Variants in LAMP1 observed in about 807,000 individuals in gnomAD.
LAMP1 encodes the protein lysosome-associated membrane glycoprotein 1.
A neutral mutation model predicts 37.5 loss-of-function variants in LAMP1; 7 were observed. The observed-to-expected ratio is 0.19, with a 90% CI of 0.11 to 0.35. The LOEUF is 0.35. Among genes scored for constraint, LAMP1 ranks in the 10% least tolerant of loss-of-function variants. LAMP1 has a pLI of 1.00. For synonymous variants in LAMP1, 236 were observed against 229.1 expected, an observed-to-expected ratio of 1.03 and a Z score of -0.27; for missense variants, 537 against 552.8, an observed-to-expected ratio of 0.97 and a Z score of 0.29.
rs1421077028 is a variant in LAMP1 at position 113,306,486 on chromosome 13, C to T, written c.63C>T (p.Gly21=). The T allele has an allele frequency of 6.2e-7, 1 of 1,613,480 alleles. No homozygotes were observed. The highest frequency in any genetic ancestry group is 8.5e-7 in the Non-Finnish European group (1 of 1,179,786). The change falls in exon 2 of 9, where the codon GGC becomes GGT. Residue 21 remains glycine, a splice_region_variant and synonymous_variant. Transcript: ENST00000332556. ...CTCCGTCTTCCCTGGAATTGACAGG[C>T]CTCATGCATTGTGCGTCAGCAGCAA... The part of the protein sequence containing the change: ...LLLLLLLLLL[G]LMHCASAAMF...
intron 1 of LAMP1, among the ~76,000 whole-genome samples, chr13:113,301,627 TAAAAAAAAAA>T (rs1161593860): frequency 6.4e-4 from 6 of 9,392 alleles, no homozygotes; most frequent in African/African-American, 1.7e-3. Context: ...TGTTTCCATT[TAAAAAAAAAA>T]AAAAAAAATA....
At chr13:113,319,769 G>A in intron 5 of LAMP1, 113 bp downstream of exon 5, 1 of 1,039,756 alleles carries the variant, frequency 9.6e-7, no homozygotes, top group Admixed American at 2.4e-5. Context: ...AGTCAGGATG[G>A]GAGCTTAGCT....
At chr13:113,303,805 G>A (rs2042585461) in intron 1 of LAMP1, among the ~76,000 whole-genome samples, 1 of 152,144 alleles carries the variant, frequency 6.6e-6, no homozygotes, top group African/African-American at 2.4e-5. Flanking sequence ...GCTGGGCATG[G>A]TGGCTTACAC....
chr13:113,299,430 A>C (rs985776974), intron 1 of LAMP1, among the ~76,000 whole-genome samples: 1 of 151,718 alleles, frequency 6.6e-6, no homozygotes, highest in African/African-American at 2.4e-5. Context: ...ATGCTAGGCT[A>C]ATTTATGTAT....
chr13:113,317,968 G>A lies in LAMP1; in HGVS notation c.563-1501G>A, dbSNP rs570091836. Among the ~76,000 whole-genome samples, 9 of 152,364 alleles carry A rather than the reference G, an allele frequency of 5.9e-5. No homozygotes were observed. The South Asian group carries it at 1.7e-3, about 28-fold the overall frequency. ...GCCTCTCAAAGCCCTGGAATTACAG[G>A]CATGAGCCACTGCGCCCAGCAAGTG... On this transcript the variant is annotated intron_variant, in intron 4 of 8. Transcript: ENST00000332556.
intron 4 of LAMP1, among the ~76,000 whole-genome samples, chr13:113,313,959 C>G (rs1465445229): frequency 1.3e-4 from 9 of 71,068 alleles, no homozygotes; most frequent in African/African-American, 3.6e-4. Context: ...TGGAGATGCC[C>G]GTGTGCCTGG....
rs763278708 is a variant in LAMP1 at position 113,320,212 on chromosome 13, T to G, written c.751-133T>G. The G allele has an allele frequency of 5.2e-5, 53 of 1,015,812 alleles. No homozygotes were observed. The highest frequency in any genetic ancestry group is 6.7e-5 in the Non-Finnish European group (45 of 667,116). The allele number at this position is 1,015,812 out of a possible 1,614,324, so 62.9% of individuals were successfully genotyped here. On this transcript the variant is annotated intron_variant, in intron 5 of 8. Transcript: ENST00000332556. This position sits in a 1 kb window ranked among gnomAD's most constrained non-coding sequence, Gnocchi z 4.4. ...GATCCCGAAATCTGTACTAGTGTGG[T>G]CTTTCAGTGTTTTCCTTCTGGTTTT... is the stretch of plus-strand genomic sequence containing the variant.
chr13:113,310,888 C>G, intron 4 of LAMP1, 21 bp downstream of exon 4: 1 of 1,605,576 alleles, frequency 6.2e-7, no homozygotes, highest in Non-Finnish European at 8.5e-7. Flanking sequence ...GACCCTTGGC[C>G]CTCTGGTGCT....
chr13:113,301,639 AAAAAAATATATATATATATATATATATAT>A (rs1161193460), intron 1 of LAMP1, among the ~76,000 whole-genome samples: 2,247 of 31,148 alleles, frequency 0.072, 240 homozygotes, highest in African/African-American at 0.17. Flanking sequence ...AAAAAAAAAA[AAAAAAATATATATATATATATATATATAT>A]ATATATATAT....
chr13:113,310,563 A>G lies in LAMP1; in HGVS notation c.404-146A>G, dbSNP rs1171827488. 3.1e-5 allele frequency: 23 copies of G among 743,270 alleles called. No homozygotes were observed. The Middle Eastern group carries it at 1.0e-3, about 33-fold the overall frequency. The allele number at this position is 743,270 out of a possible 1,614,324, so 46.0% of individuals were successfully genotyped here. The stretch of plus-strand genomic sequence containing the variant: ...AAACACATAAAGTAAACTAAGTACT[A>G]TAAGTAGTTTGCAATTGTGATTTTT... On this transcript the variant is annotated intron_variant, in intron 3 of 8. Transcript: ENST00000332556.
Position 113,307,957 on chromosome 13 carries a change from C to CAA in LAMP1, c.183+1374_183+1375dup, listed in dbSNP as rs56212251. On this transcript the variant is annotated intron_variant, in intron 2 of 8. Coordinates refer to ENST00000332556, the MANE Select transcript of LAMP1 (RefSeq NM_005561.4). ...CTGGGTGACAGAGCGAGACCATCTC[C>CAA]AAAAAAAAAAAAAAAAAAAAAAAAT... Among the ~76,000 whole-genome samples the CAA allele has an allele frequency of 4.8e-3, 285 of 59,572 alleles. 2 individuals carry two copies. Among genetic ancestry groups the CAA allele is most frequent in the Non-Finnish European group, 7.1e-3 (215 of 30,182 alleles). 39.1% of individuals were successfully genotyped at this position (59,572 alleles called of 152,430 possible).
At position 113,323,495 on chromosome 13, in the gene LAMP1, G is replaced by A. The variant is rs2042719900; in HGVS notation, c.*1074G>A. ...GAGAGAAGGACGTCAGGGAAACGGG[G>A]TTGAGGGTGGTCTCGGTGCAGAGAG... On this transcript the variant is annotated 3_prime_UTR_variant, in exon 9 of 9. Transcript: ENST00000332556. 1.3e-5 allele frequency: 2 copies of A among 151,660 alleles called. No individual in the cohort carries two copies. The highest frequency in any genetic ancestry group is 4.2e-4 in the South Asian group (2 of 4,772). 9.4% of individuals were successfully genotyped at this position (151,660 alleles called of 1,614,324 possible).
intron 8 of LAMP1, 155 bp from the exon 9 acceptor site, chr13:113,322,127 G>C: frequency 1.2e-6 from 1 of 807,048 alleles, no homozygotes; most frequent in South Asian, 1.7e-5. Context: ...AGTCTCTGCA[G>C]CGGCTTCCCC....
chr13:113,322,106 C>T (rs556376062), intron 8 of LAMP1, 176 bp from the exon 9 acceptor site: 12 of 695,530 alleles, frequency 1.7e-5, no homozygotes, highest in African/African-American at 1.6e-4. Context: ...CCTCGCCGTG[C>T]AGAGAGCACC....
Position 113,321,526 on chromosome 13 carries a change from T to C in LAMP1, c.944-31T>C. 1.2e-6 allele frequency: 2 copies of C among 1,613,404 alleles called. No homozygotes were observed. The highest frequency in any genetic ancestry group is 1.7e-6 in the Non-Finnish European group (2 of 1,179,956). On this transcript the variant is annotated intron_variant, in intron 7 of 8. Transcript: ENST00000332556. This position sits in a 1 kb window ranked among gnomAD's most constrained non-coding sequence, Gnocchi z 5.6. ...CCCCGCCCGCGCGCCCAGGGTATTCTGGAGCCACTAGACCTCTGTGTGTGT... is the reference window on the plus strand; with the variant it reads ...CCCCGCCCGCGCGCCCAGGGTATTCCGGAGCCACTAGACCTCTGTGTGTGT...
At chr13:113,312,684 T>G (rs982596595) in intron 4 of LAMP1, among the ~76,000 whole-genome samples, 4 of 152,210 alleles carry the variant, frequency 2.6e-5, no homozygotes, top group African/African-American at 9.6e-5. Flanking sequence ...GCTTTCCTGG[T>G]GCAGCCTCTG....
Position 113,306,694 on chromosome 13 carries a change from C to T in LAMP1, c.183+88C>T, listed in dbSNP as rs190033661. The T allele has an allele frequency of 5.1e-4, 743 of 1,446,828 alleles. 6 individuals carry two copies. In the African/African-American group the frequency reaches 0.011, roughly 20 times the overall value. The allele number at this position is 1,446,828 out of a possible 1,614,324, so 89.6% of individuals were successfully genotyped here. On this transcript the variant is annotated intron_variant, in intron 2 of 8. Transcript: ENST00000332556. ...TCAACCAAGTCTTTGAAAAATGGCC[C>T]CATCTGAACATGGTGCTTTTCCTAT...
chr13:113,306,696 A>G (rs1446034846), intron 2 of LAMP1, 90 bp downstream of exon 2: 3 of 1,439,984 alleles, frequency 2.1e-6, no homozygotes, highest in Non-Finnish European at 2.8e-6. Flanking sequence ...AAATGGCCCC[A>G]TCTGAACATG....
At chr13:113,310,144 G>A (rs1486990833) in intron 3 of LAMP1, among the ~76,000 whole-genome samples, 12 of 151,434 alleles carry the variant, frequency 7.9e-5, no homozygotes, top group African/African-American at 2.4e-4. Flanking sequence ...CAGGAGAATC[G>A]CTTGAACCCA....
Sources: allele counts gnomAD v4.1 joint callset (sites outside exome capture counted in the v4.1 genomes callset), GRCh38; gene constraint gnomAD v4.1.1; non-coding constraint Gnocchi (gnomAD v3.1); transcripts MANE v1.5; gene names NCBI Gene and HGNC (gene_info 2026-07-23, HGNC 2026-07-21).